Variants in EML5 observed in about 807,000 individuals in gnomAD.
EML5 encodes the protein EMAP like 5.
In EML5, 120 loss-of-function variants were observed where a neutral mutation model predicts 250.0. The ratio of observed to expected loss-of-function variants is 0.48; its 90% CI spans 0.41 to 0.56. EML5 has a LOEUF of 0.56. Among genes scored for constraint, EML5 ranks in the 20% least tolerant of loss-of-function variants. The pLI, the probability that EML5 is intolerant of heterozygous loss-of-function variation, is 0.00. For synonymous variants in EML5, 771 were observed against 806.5 expected, an observed-to-expected ratio of 0.96 and a Z score of 0.75; for missense variants, 2,006 against 2,437.6, an observed-to-expected ratio of 0.82 and a Z score of 3.73.
intron 1 of EML5, among the ~76,000 whole-genome samples, chr14:88,759,956 G>A (rs775542588): frequency 6.6e-6 from 1 of 152,106 alleles, no homozygotes; most frequent in Non-Finnish European, 1.5e-5. Context: ...TTTCCCTGAT[G>A]ACTACTCACA....
At chr14:88,697,711 T>C (rs552657667) in intron 14 of EML5, among the ~76,000 whole-genome samples, 7 of 152,318 alleles carry the variant, frequency 4.6e-5, no homozygotes, top group Non-Finnish European at 1.0e-4. Context: ...CTGTCAATTA[T>C]AGTTAATTTT....
intron 1 of EML5, among the ~76,000 whole-genome samples, chr14:88,762,176 T>C (rs1288545934): frequency 6.6e-6 from 1 of 152,094 alleles, no homozygotes; most frequent in Non-Finnish European, 1.5e-5. Context: ...ATGCACCCAA[T>C]ACAGGAGCAC....
chr14:88,687,645 T>A (rs1385216395), intron 18 of EML5, among the ~76,000 whole-genome samples: 1 of 146,606 alleles, frequency 6.8e-6, no homozygotes, highest in Non-Finnish European at 1.5e-5. Context: ...AATAACCTCA[T>A]CCTTAAAAAG....
At chr14:88,627,168 C>T in intron 34 of EML5, 122 bp from the exon 35 acceptor site, 1 of 876,762 alleles carries the variant, frequency 1.1e-6, no homozygotes, top group South Asian at 1.6e-5. Context: ...CCAATGGCCC[C>T]TGCTCTACTA....
At position 88,715,349 on chromosome 14, in the gene EML5, A is replaced by G. The variant is rs536966584; in HGVS notation, c.1188-154T>C. On this transcript the variant is annotated intron_variant, in intron 8 of 43. Transcript: ENST00000554922. ...CACAAGTAGTATTAATTCAGCAACA[A>G]TACGTTGCTGAACAGAAATACATGG... Among the ~76,000 whole-genome samples the G allele has an allele frequency of 1.1e-3, 169 of 152,332 alleles. 1 individual carries two copies. The highest frequency in any genetic ancestry group is 4.0e-3 in the African/African-American group (166 of 41,578).
Position 88,618,723 on chromosome 14 carries a change from C to T in EML5, c.5465G>A (p.Arg1822Lys), listed in dbSNP as rs776449831. The change falls in exon 40 of 44, where the codon AGA becomes AAA. Residue 1822 changes from arginine (R) to lysine (K), a missense_variant. Physicochemically the swap from Arg to Lys is conservative, Grantham distance 26. Transcript: ENST00000554922. ...TGGAATGTCTTTGCAGTAGCTGATT[C>T]TGTTAAGAGTGGGGCCCAGCGTTAG... ...YDLTLGPTLN[R>K]ISYCKDIPSF... 6.2e-7 allele frequency: 1 copy of T among 1,610,348 alleles called. No individual in the cohort carries two copies. The highest frequency in any genetic ancestry group is 2.2e-5 in the East Asian group (1 of 44,830).
intron 26 of EML5, 103 bp from the exon 27 acceptor site, chr14:88,657,605 T>G: frequency 1.7e-6 from 2 of 1,150,542 alleles, no homozygotes; most frequent in Non-Finnish European, 2.3e-6. Context: ...ATAAATTAAG[T>G]TGTTATAAGC....
intron 21 of EML5, among the ~76,000 whole-genome samples, chr14:88,667,529 T>C (rs2092339395): frequency 1.3e-5 from 2 of 152,240 alleles, no homozygotes; most frequent in African/African-American, 4.8e-5. Flanking sequence ...AAGGTTCATG[T>C]GGATCCTGAC....
chr14:88,637,663 G>A (rs2090817347), intron 32 of EML5, among the ~76,000 whole-genome samples: 1 of 152,084 alleles, frequency 6.6e-6, no homozygotes, highest in African/African-American at 2.4e-5. Context: ...TGTTGAGTAA[G>A]TGAATTTACT....
At chr14:88,761,487 G>T (rs1390840038) in intron 1 of EML5, among the ~76,000 whole-genome samples, 1 of 152,184 alleles carries the variant, frequency 6.6e-6, no homozygotes, top group Non-Finnish European at 1.5e-5. Flanking sequence ...TGCTGAGAAT[G>T]ATGGTTTCCA....
intron 8 of EML5, among the ~76,000 whole-genome samples, chr14:88,724,143 C>T (rs1482742485): frequency 6.6e-6 from 1 of 151,148 alleles, no homozygotes; most frequent in African/African-American, 2.4e-5. Flanking sequence ...GGCGTGGTGG[C>T]ACGCACCTAT....
At chr14:88,770,177 C>T (rs2094374885) in intron 1 of EML5, among the ~76,000 whole-genome samples, 1 of 152,036 alleles carries the variant, frequency 6.6e-6, no homozygotes, top group Non-Finnish European at 1.5e-5. Context: ...AATGCTGGGG[C>T]TATGGTTTGC....
intron 14 of EML5, among the ~76,000 whole-genome samples, chr14:88,700,590 C>T (rs1320598693): frequency 6.6e-6 from 1 of 152,106 alleles, no homozygotes; most frequent in Non-Finnish European, 1.5e-5. Flanking sequence ...AAAAGCATGA[C>T]TTATTACTGC....
chr14:88,754,775 C>T, intron 1 of EML5, 104 bp from the exon 2 acceptor site: 1 of 948,002 alleles, frequency 1.1e-6, no homozygotes, highest in East Asian at 2.7e-5. Context: ...GAACATTAGA[C>T]TTTATCCACT....
chr14:88,755,543 T>C (rs2094147767), intron 1 of EML5, among the ~76,000 whole-genome samples: 1 of 152,184 alleles, frequency 6.6e-6, no homozygotes, highest in Admixed American at 6.5e-5. Context: ...ATAGTTTATG[T>C]ACATCAGCAG....
chr14:88,631,361 A>G (rs2090428633), intron 33 of EML5, among the ~76,000 whole-genome samples: 1 of 152,204 alleles, frequency 6.6e-6, no homozygotes, highest in South Asian at 2.1e-4. Context: ...CTACAGGCAC[A>G]TGCCACCACA....
intron 14 of EML5, among the ~76,000 whole-genome samples, chr14:88,698,592 T>G (rs2093136105): frequency 6.6e-6 from 1 of 152,118 alleles, no homozygotes; most frequent in Admixed American, 6.6e-5. Flanking sequence ...TGAGTTTCCT[T>G]CTCAATTTCC....
Position 88,643,401 on chromosome 14 carries a change from T to G in EML5, c.4108-379A>C, listed in dbSNP as rs947562901. On this transcript the variant is annotated intron_variant, in intron 30 of 43. Coordinates refer to ENST00000554922, the MANE Select transcript of EML5 (RefSeq NM_183387.3). ...GGAAAAAAACAATAAAAAATAACATTTAAAACACAATATTGTATAACAAAT... is the reference window on the plus strand; with the variant it reads ...GGAAAAAAACAATAAAAAATAACATGTAAAACACAATATTGTATAACAAAT... 2.5e-4 allele frequency among the ~76,000 whole-genome samples: 38 copies of G among 152,088 alleles called. 1 individual carries two copies. Among genetic ancestry groups the G allele is most frequent in the Non-Finnish European group, 2.9e-5 (2 of 67,998 alleles).
intron 35 of EML5, 51 bp downstream of exon 35, chr14:88,626,787 A>C: frequency 6.6e-5 from 104 of 1,573,100 alleles, no homozygotes; most frequent in Non-Finnish European, 8.2e-5. Flanking sequence ...ATCTAAGGCA[A>C]GAGAATGTAA....
Sources: gnomAD v4.1 joint callset for allele counts (sites outside exome capture counted in the v4.1 genomes callset) on GRCh38, gnomAD v4.1.1 for gene constraint, MANE v1.5 for transcripts, NCBI Gene and HGNC (gene_info 2026-07-23, HGNC 2026-07-21) for gene names.